Variants in DGKB observed in about 807,000 individuals in gnomAD.
DGKB encodes the protein 90 kDa diacylglycerol kinase.
A neutral mutation model predicts 114.3 loss-of-function variants in DGKB; 67 were observed. The observed-to-expected ratio is 0.59, with a 90% CI of 0.48 to 0.72. DGKB has a LOEUF of 0.72. Ranked by LOEUF, DGKB falls within the 30% of genes least tolerant of loss-of-function variation. DGKB has a pLI of 0.00. For synonymous variants in DGKB, 398 were observed against 323.1 expected (o/e 1.23, Z -2.49); for missense variants, 907 against 975.2 (o/e 0.93, Z 0.93).
intron 23 of DGKB, among the ~76,000 whole-genome samples, chr7:14,308,054 A>T (rs139192450): frequency 6.6e-6 from 1 of 152,226 alleles, no homozygotes; most frequent in East Asian, 1.9e-4. Flanking sequence ...GAGAAAATTA[A>T]AATAATGTAA....
At chr7:14,892,493 A>G (rs916008391) in intron 1 of DGKB, among the ~76,000 whole-genome samples, 3 of 151,264 alleles carry the variant, frequency 2.0e-5, no homozygotes, top group Non-Finnish European at 4.4e-5. Flanking sequence ...AAAAACATAT[A>G]CATATATATT....
chr7:14,373,513 T>C (rs1343423642), intron 21 of DGKB, among the ~76,000 whole-genome samples: 3 of 152,176 alleles, frequency 2.0e-5, no homozygotes, highest in Non-Finnish European at 4.4e-5. Context: ...AGTTCAGTAA[T>C]TAAAATGCTA....
At chr7:14,564,993 A>C (rs1261128023) in intron 20 of DGKB, among the ~76,000 whole-genome samples, 1 of 152,084 alleles carries the variant, frequency 6.6e-6, no homozygotes, top group Non-Finnish European at 1.5e-5. Context: ...ATAATGGATA[A>C]ACTTTCTCCC....
intron 21 of DGKB, among the ~76,000 whole-genome samples, chr7:14,442,856 T>C (rs1337440678): frequency 6.6e-6 from 1 of 152,146 alleles, no homozygotes; most frequent in Non-Finnish European, 1.5e-5. Context: ...CTATGCCATA[T>C]GATTTTTTAA....
In DGKB at chr7:14,844,230, C is replaced by T. The variant is rs1332039131; in HGVS notation, c.-187-2780G>A. Among the ~76,000 whole-genome samples the T allele has an allele frequency of 2.6e-5, 4 of 152,186 alleles. No individual in the cohort carries two copies. In the East Asian group the frequency reaches 7.7e-4, roughly 29 times the overall value. On this transcript the variant is annotated intron_variant, in intron 1 of 25. Transcript: ENST00000402815. ...GCCCTTTCAACCTTTTATTCTTTTC[C>T]TCCACCTTACCACCTGAAATGGTGA...
chr7:14,370,851 T>C (rs1454784212), intron 21 of DGKB, among the ~76,000 whole-genome samples: 1 of 152,150 alleles, frequency 6.6e-6, no homozygotes, highest in Non-Finnish European at 1.5e-5. Flanking sequence ...CCAATGTCTA[T>C]TGTTGCCATG....
intron 2 of DGKB, among the ~76,000 whole-genome samples, chr7:14,835,481 A>G (rs1198968433): frequency 6.6e-6 from 1 of 152,192 alleles, no homozygotes; most frequent in Non-Finnish European, 1.5e-5. Flanking sequence ...AGACACTGCG[A>G]AATGGCCCTG....
chr7:14,595,439 A>G (rs1802411751), intron 17 of DGKB, among the ~76,000 whole-genome samples: 1 of 152,066 alleles, frequency 6.6e-6, no homozygotes, highest in South Asian at 2.1e-4. Flanking sequence ...ATTGAACATA[A>G]TAAGTTAATT....
chr7:14,374,237 G>A (rs1402803919), intron 21 of DGKB, among the ~76,000 whole-genome samples: 2 of 152,118 alleles, frequency 1.3e-5, no homozygotes, highest in African/African-American at 2.4e-5. Flanking sequence ...ACCTCCAAGC[G>A]AGACATTAAA....
rs60976022 is a variant in DGKB, at chr7:14,485,300, GGTGT to G, written c.1771-7079_1771-7076del. The stretch of plus-strand genomic sequence containing the variant: ...TGTCTTTTAGAACTAATGCTCATGA[GGTGT>G]GTGTGTGTGTGTGTGTGTGTGTGTG... On this transcript the variant is annotated intron_variant, in intron 20 of 25. Coordinates refer to ENST00000402815, the MANE Select transcript of DGKB (RefSeq NM_001350709.2). 5.6e-3 allele frequency among the ~76,000 whole-genome samples: 795 copies of G among 141,808 alleles called. 6 individuals are homozygous for G. The highest frequency in any genetic ancestry group is 0.014 in the Middle Eastern group (4 of 286). The allele number at this position is 141,808 out of a possible 152,430, so 93.0% of individuals were successfully genotyped here.
chr7:14,227,227 A>T (rs969884338), intron 23 of DGKB, among the ~76,000 whole-genome samples: 6 of 152,058 alleles, frequency 3.9e-5, no homozygotes, highest in African/African-American at 1.4e-4. Flanking sequence ...TTTGTTCAAA[A>T]AATTTCACTT....
intron 21 of DGKB, among the ~76,000 whole-genome samples, chr7:14,391,317 T>C (rs1417953398): frequency 6.6e-6 from 1 of 152,152 alleles, no homozygotes; most frequent in East Asian, 1.9e-4. Flanking sequence ...ACTTTCTCAC[T>C]ATCACCTTTC....
intron 23 of DGKB, among the ~76,000 whole-genome samples, chr7:14,279,009 G>A (rs2128449302): frequency 6.6e-6 from 1 of 152,280 alleles, no homozygotes; most frequent in Admixed American, 6.5e-5. Context: ...AGTGGGCGCA[G>A]GTCAGTGGGT....
At chr7:14,496,807 G>A (rs566392264) in intron 20 of DGKB, among the ~76,000 whole-genome samples, 21 of 151,744 alleles carry the variant, frequency 1.4e-4, no homozygotes, top group African/African-American at 5.1e-4. Context: ...ATAATAATTT[G>A]ATGACTAAAA....
At chr7:14,164,412 C>A (rs759145800) in intron 25 of DGKB, among the ~76,000 whole-genome samples, 16 of 152,120 alleles carry the variant, frequency 1.1e-4, no homozygotes, top group Non-Finnish European at 1.9e-4. Flanking sequence ...GATAATGAAA[C>A]TGGTACATTA....
chr7:14,972,590 C>A (rs1458259382), intron 1 of DGKB, among the ~76,000 whole-genome samples: 2 of 151,178 alleles, frequency 1.3e-5, no homozygotes, highest in Admixed American at 1.3e-4. Context: ...GACTAGTATT[C>A]CATTAGATCT....
intron 2 of DGKB, among the ~76,000 whole-genome samples, chr7:14,795,688 C>G (rs1841307707): frequency 6.6e-6 from 1 of 152,000 alleles, no homozygotes; most frequent in South Asian, 2.1e-4. Flanking sequence ...CAAGGTAGAG[C>G]TGGTTACCTG....
At chr7:14,270,048 CAAAA>C (rs397889901) in intron 23 of DGKB, among the ~76,000 whole-genome samples, 3,955 of 52,782 alleles carry the variant, frequency 0.075, 42 homozygotes, top group East Asian at 0.22. Flanking sequence ...GCTTTTTTTG[CAAAA>C]AAAAAAAAAA....
chr7:14,953,035 C>T (rs1587448012), intron 1 of DGKB, among the ~76,000 whole-genome samples: 3 of 151,974 alleles, frequency 2.0e-5, no homozygotes, highest in Admixed American at 1.3e-4. Context: ...CCCTACCTAC[C>T]TCACACCCAA....
Sources: allele counts gnomAD v4.1 joint callset (sites outside exome capture counted in the v4.1 genomes callset), GRCh38; gene constraint gnomAD v4.1.1; transcripts MANE v1.5; gene names NCBI Gene and HGNC (gene_info 2026-07-23, HGNC 2026-07-21).